The following BTRC variants were observed in gnomAD, a reference collection of about 807,000 sequenced individuals.
The protein encoded by BTRC is beta-transducin repeat containing E3 ubiquitin protein ligase, also known as F-box/WD repeat-containing protein 1A.
A neutral mutation model predicts 85.5 loss-of-function variants in BTRC; 42 were observed. That is an observed-to-expected ratio of 0.49 (90% CI 0.38 to 0.64). The LOEUF (loss-of-function observed/expected upper bound fraction) is 0.64. BTRC is among the 30% of genes least tolerant of loss of function. The pLI, the probability that BTRC is intolerant of heterozygous loss-of-function variation, is 0.00. For synonymous variants in BTRC, 255 were observed against 263.3 expected (o/e 0.97, Z 0.30); for missense variants, 594 against 743.5 (o/e 0.80, Z 2.34).
intron 1 of BTRC, among the ~76,000 whole-genome samples, chr10:101,399,857 T>C (rs1172023300): frequency 6.6e-6 from 1 of 152,222 alleles, no homozygotes; most frequent in Admixed American, 6.5e-5. Context: ...GGTATATTCA[T>C]CATTCCCATT....
At chr10:101,440,742 A>T (rs767179873) in intron 2 of BTRC, among the ~76,000 whole-genome samples, 1 of 152,132 alleles carries the variant, frequency 6.6e-6, no homozygotes, top group African/African-American at 2.4e-5. Flanking sequence ...AAAAAAGGCA[A>T]CTATTTAGCT....
rs71016330 is a variant in BTRC, at chr10:101,509,243, A to ATTT, written c.325-12369_325-12367dup. ...TTCAAGCATGACAGTGGCAATGTGG[A>ATTT]TTTTTTTTTTTTTTTTTTTTTTTTT... On this transcript the variant is annotated intron_variant, in intron 4 of 14. Transcript: ENST00000370187. Among the ~76,000 whole-genome samples the ATTT allele has an allele frequency of 3.0e-3, 207 of 69,914 alleles. 34 individuals carry two copies. The highest frequency in any genetic ancestry group is 0.01 in the African/African-American group (148 of 14,604). The allele number at this position is 69,914 out of a possible 152,430, so 45.9% of individuals were successfully genotyped here.
intron 2 of BTRC, among the ~76,000 whole-genome samples, chr10:101,436,589 T>C (rs761876783): frequency 1.3e-5 from 2 of 151,682 alleles, no homozygotes; most frequent in Non-Finnish European, 2.9e-5. Context: ...CATTCTAGCC[T>C]GGGTGACAGA....
chr10:101,498,789 G>A (rs745539316), intron 4 of BTRC, among the ~76,000 whole-genome samples: 5 of 152,026 alleles, frequency 3.3e-5, no homozygotes, highest in Non-Finnish European at 4.4e-5. Context: ...TCAGGAGTTC[G>A]AGACCAGCCT....
At chr10:101,453,003 A>G (rs1372932655) in intron 2 of BTRC, among the ~76,000 whole-genome samples, 2 of 152,086 alleles carry the variant, frequency 1.3e-5, no homozygotes, top group East Asian at 3.9e-4. Flanking sequence ...AAACACACAC[A>G]CAGTGTTTTT....
At position 101,521,824 on chromosome 10, in the gene BTRC, G is replaced by A. The variant is rs527330134; in HGVS notation, c.510G>A (p.Ser170=). 53 of 1,613,834 alleles carry A rather than the reference G, an allele frequency of 3.3e-5. No homozygotes were observed. The highest frequency in any genetic ancestry group is 1.6e-4 in the South Asian group (15 of 91,062). The change falls in exon 5 of 15, where the codon TCG becomes TCA. Residue 170 remains serine, a synonymous_variant. Transcript: ENST00000370187. ...ATTACCAACATGGGCACATAAACTC[G>A]TATCTTAAACCTATGTTGCAGAGAG... is the stretch of plus-strand genomic sequence containing the variant. ...MCHYQHGHIN[S]YLKPMLQRDF...
At chr10:101,521,505 C>T (rs1019979556) in intron 4 of BTRC, 134 bp from the exon 5 acceptor site, 13 of 652,782 alleles carry the variant, frequency 2.0e-5, no homozygotes, top group Admixed American at 9.5e-5. Context: ...TGGTTTTCCA[C>T]GTAATTGCTA....
At chr10:101,362,584 G>A (rs960796740) in intron 1 of BTRC, among the ~76,000 whole-genome samples, 2 of 151,818 alleles carry the variant, frequency 1.3e-5, no homozygotes, top group East Asian at 2.0e-4. Context: ...TAGTAGAGAC[G>A]GAGTTTTTCC....
At chr10:101,469,319 T>C (rs1391935118) in intron 3 of BTRC, among the ~76,000 whole-genome samples, 1 of 152,222 alleles carries the variant, frequency 6.6e-6, no homozygotes, top group African/African-American at 2.4e-5. Flanking sequence ...TCTGTGTTAC[T>C]TCCTTGGGAG....
At chr10:101,355,393 T>C (rs1452429897) in intron 1 of BTRC, among the ~76,000 whole-genome samples, 1 of 152,240 alleles carries the variant, frequency 6.6e-6, no homozygotes, top group Non-Finnish European at 1.5e-5. Flanking sequence ...TCTTTAACTT[T>C]GTATCACGCT....
intron 1 of BTRC, among the ~76,000 whole-genome samples, chr10:101,366,909 A>AATATATTTAT (rs1942431809): frequency 5.2e-5 from 1 of 19,296 alleles, no homozygotes; most frequent in Non-Finnish European, 1.0e-4. Context: ...TATATATATT[A>AATATATTTAT]ATATATATTT....
At position 101,532,958 on chromosome 10, in the gene BTRC, G is replaced by A. The variant is rs907845386; in HGVS notation, c.985G>A (p.Asp329Asn). The A allele has an allele frequency of 1.7e-5, 27 of 1,609,898 alleles. No individual in the cohort carries two copies. The highest frequency in any genetic ancestry group is 6.7e-5 in the Admixed American group (4 of 59,890). ...GLRDNTIKIW[D>N]KNTLECKRIL... is the part of the protein sequence containing the mutation. ...ATCTTATTTGCCATCCTAGATCTGG[G>A]ATAAAAACACATTGGAATGCAAGCG... The change falls in exon 9 of 15, where the codon GAT (aspartate) becomes AAT (asparagine). Residue 329 changes from aspartate to asparagine, a missense_variant. Physicochemically the swap from Asp to Asn is conservative, Grantham distance 23 (BLOSUM62 1). Around this residue, in one of 4 missense-constraint regions of BTRC, gnomAD observed 373 missense variants for 503.6 expected, o/e 0.74. Transcript: ENST00000370187.
At chr10:101,528,567 C>G (rs967731818) in intron 6 of BTRC, among the ~76,000 whole-genome samples, 2 of 152,146 alleles carry the variant, frequency 1.3e-5, no homozygotes, top group Non-Finnish European at 2.9e-5. Context: ...TCCTCTTAAT[C>G]CCATGATAAA....
At chr10:101,383,305 A>C (rs537356935) in intron 1 of BTRC, among the ~76,000 whole-genome samples, 5 of 151,090 alleles carry the variant, frequency 3.3e-5, no homozygotes, top group African/African-American at 1.2e-4. Context: ...TTGGGGTCTG[A>C]GAATTTGCAT....
intron 1 of BTRC, among the ~76,000 whole-genome samples, chr10:101,421,677 G>C (rs1236193069): frequency 7.6e-6 from 1 of 131,130 alleles, no homozygotes; most frequent in East Asian, 2.3e-4. Context: ...CTGTGTCCAA[G>C]TGTTTTCATT....
rs368921497 is a variant in BTRC at position 101,356,105 on chromosome 10, C to T, written c.48+1877C>T. On this transcript the variant is annotated intron_variant, in intron 1 of 14. Transcript: ENST00000370187. The stretch of plus-strand genomic sequence containing the variant: ...GCAGCCTCCGCCTCCTGGGTTCAAG[C>T]GATTCTCCTGCCTCAGCCTCCCGAG... Among the ~76,000 whole-genome samples the T allele has an allele frequency of 7.9e-4, 120 of 152,260 alleles. 2 individuals are homozygous for T. In the East Asian group the frequency reaches 0.016, roughly 20 times the overall value.
chr10:101,441,353 T>C (rs1944673939), intron 2 of BTRC, among the ~76,000 whole-genome samples: 1 of 152,228 alleles, frequency 6.6e-6, no homozygotes, highest in South Asian at 2.1e-4. Context: ...TTAGCTTTAT[T>C]ATTTAAACTC....
intron 13 of BTRC, among the ~76,000 whole-genome samples, chr10:101,549,125 A>G (rs2134473779): frequency 6.6e-6 from 1 of 152,090 alleles, no homozygotes; most frequent in African/African-American, 2.4e-5. Context: ...GTAAGAGACT[A>G]AACAAATTAA....
chr10:101,468,722 A>G (rs1451566891), intron 3 of BTRC, among the ~76,000 whole-genome samples: 1 of 152,208 alleles, frequency 6.6e-6, no homozygotes, highest in Non-Finnish European at 1.5e-5. Flanking sequence ...GGGCTGCTGA[A>G]CAGATTTCTA....
Sources: gnomAD v4.1 joint callset for allele counts (sites outside exome capture counted in the v4.1 genomes callset) on GRCh38, gnomAD v4.1.1 for gene constraint, gnomAD v4.1.1 regional missense constraint, MANE v1.5 for transcripts, NCBI Gene and HGNC (gene_info 2026-07-23, HGNC 2026-07-21) for gene names.